The following SLC25A21 variants were observed in gnomAD, a reference collection of about 807,000 sequenced individuals.
SLC25A21 encodes mitochondrial 2-oxodicarboxylate carrier.
In SLC25A21, 47 loss-of-function variants were observed where a neutral mutation model predicts 43.8. That is an observed-to-expected ratio of 1.07 (90% CI 0.85 to 1.37). The LOEUF (loss-of-function observed/expected upper bound fraction) is 1.37, where lower values mean the gene tolerates loss of function less well. SLC25A21 is among the 40% of genes most tolerant of loss of function. The pLI is 0.00. For synonymous variants in SLC25A21, 131 were observed against 121.3 expected (o/e 1.08, Z -0.52); for missense variants, 352 against 350.2 (o/e 1.00, Z -0.04).
chr14:36,811,484 C>G (rs1888265236), intron 3 of SLC25A21, among the ~76,000 whole-genome samples: 1 of 152,036 alleles, frequency 6.6e-6, no homozygotes, highest in Non-Finnish European at 1.5e-5. Context: ...GGCCCCGTCT[C>G]TACTAAAAAT....
At chr14:36,710,162 GTTGCCTGAGGTCAGGAGT>G (rs887805024) in intron 7 of SLC25A21, among the ~76,000 whole-genome samples, 2 of 151,954 alleles carry the variant, frequency 1.3e-5, no homozygotes, top group Non-Finnish European at 2.9e-5. Flanking sequence ...AGGCGGGTGG[GTTGCCTGAGGTCAGGAGT>G]TTGAGACCAG....
At chr14:36,817,343 A>G (rs1391768397) in intron 2 of SLC25A21, among the ~76,000 whole-genome samples, 1 of 152,116 alleles carries the variant, frequency 6.6e-6, no homozygotes, top group African/African-American at 2.4e-5. Flanking sequence ...CAGGGAAGAG[A>G]AGGATCTGAG....
At chr14:36,724,373 G>C (rs192103919) in intron 6 of SLC25A21, among the ~76,000 whole-genome samples, 21 of 152,284 alleles carry the variant, frequency 1.4e-4, no homozygotes, top group East Asian at 1.2e-3. Flanking sequence ...AAGCTCTCAG[G>C]CAGCATCAGC....
At chr14:37,048,942 A>T (rs1280336340) in intron 1 of SLC25A21, among the ~76,000 whole-genome samples, 3 of 152,146 alleles carry the variant, frequency 2.0e-5, no homozygotes, top group African/African-American at 7.2e-5. Flanking sequence ...TAGACTAGTT[A>T]TACTCAACTC....
chr14:36,702,608 A>G lies in SLC25A21; in HGVS notation c.603+8710T>C, dbSNP rs146726562. Among the ~76,000 whole-genome samples, 6 of 152,132 alleles carry G rather than the reference A, an allele frequency of 3.9e-5. No individual in the cohort carries two copies. The East Asian group carries it at 7.7e-4, about 20-fold the overall frequency. ...TATAAATTCTCACAGCTTGATAGTTATCTTGCATGGCACTTAGCACAATTG... is the reference window on the plus strand; with the variant it reads ...TATAAATTCTCACAGCTTGATAGTTGTCTTGCATGGCACTTAGCACAATTG... On this transcript the variant is annotated intron_variant, in intron 7 of 9. Transcript: ENST00000331299.
At chr14:36,733,599 T>C (rs1413210232) in intron 4 of SLC25A21, among the ~76,000 whole-genome samples, 1 of 152,238 alleles carries the variant, frequency 6.6e-6, no homozygotes, top group Non-Finnish European at 1.5e-5. Flanking sequence ...AGTAAAAGTA[T>C]ATGAACTGTT....
intron 7 of SLC25A21, among the ~76,000 whole-genome samples, chr14:36,694,370 CAT>C (rs1427310175): frequency 8.5e-5 from 13 of 152,192 alleles, no homozygotes; most frequent in African/African-American, 3.1e-4. Context: ...CTGCAATAAA[CAT>C]ATGTGTGCAT....
chr14:36,686,716 C>G (rs1882565708), intron 7 of SLC25A21, among the ~76,000 whole-genome samples: 1 of 152,158 alleles, frequency 6.6e-6, no homozygotes, highest in South Asian at 2.1e-4. Flanking sequence ...GCCAAGCTCT[C>G]TTTCTTTTTC....
chr14:36,800,106 T>C (rs1887817487), intron 3 of SLC25A21, among the ~76,000 whole-genome samples: 1 of 152,214 alleles, frequency 6.6e-6, no homozygotes, highest in South Asian at 2.1e-4. Context: ...CTCAAGTCTC[T>C]GGTGAAATTT....
intron 1 of SLC25A21, among the ~76,000 whole-genome samples, chr14:36,899,928 C>T (rs1290900908): frequency 4.6e-5 from 7 of 152,102 alleles, no homozygotes; most frequent in African/African-American, 1.2e-4. Context: ...AGAAACAATG[C>T]TGTCTTATTC....
At chr14:37,118,674 C>T (rs986606084) in intron 1 of SLC25A21, among the ~76,000 whole-genome samples, 40 of 152,216 alleles carry the variant, frequency 2.6e-4, no homozygotes, top group African/African-American at 9.4e-4. Flanking sequence ...ATAAAACCAA[C>T]CTTAAATTTA....
chr14:37,091,526 T>A (rs34781881), intron 1 of SLC25A21, among the ~76,000 whole-genome samples: 1 of 151,208 alleles, frequency 6.6e-6, no homozygotes, highest in Non-Finnish European at 1.5e-5. Context: ...CCCCAACACA[T>A]AGCACTAAAT....
At chr14:36,874,621 CA>C (rs2138555385) in intron 2 of SLC25A21, among the ~76,000 whole-genome samples, 1 of 152,238 alleles carries the variant, frequency 6.6e-6, no homozygotes, top group South Asian at 2.1e-4. Context: ...TAGGCAATGC[CA>C]AATGAAAATG....
chr14:37,135,031 G>T (rs1361478565), intron 1 of SLC25A21, among the ~76,000 whole-genome samples: 1 of 151,614 alleles, frequency 6.6e-6, no homozygotes, highest in Non-Finnish European at 1.5e-5. Flanking sequence ...AGGTTCAAGC[G>T]ATTCTCCTGC....
chr14:36,946,316 C>A (rs1660564291), intron 1 of SLC25A21, among the ~76,000 whole-genome samples: 1 of 152,088 alleles, frequency 6.6e-6, no homozygotes, highest in African/African-American at 2.4e-5. Context: ...CCTCTTGTTT[C>A]TAAATAATGT....
chr14:37,145,377 T>A (rs1373984302), intron 1 of SLC25A21, among the ~76,000 whole-genome samples: 2 of 151,784 alleles, frequency 1.3e-5, no homozygotes, highest in Non-Finnish European at 2.9e-5. Flanking sequence ...TGGAACTCCA[T>A]GCCTGTGTGC....
intron 1 of SLC25A21, among the ~76,000 whole-genome samples, chr14:36,932,920 T>G (rs974345934): frequency 6.6e-6 from 1 of 152,062 alleles, no homozygotes. Context: ...TCATAGGATA[T>G]TATAACGATT....
chr14:37,116,677 T>C (rs1418551326), intron 1 of SLC25A21, among the ~76,000 whole-genome samples: 1 of 152,180 alleles, frequency 6.6e-6, no homozygotes, highest in Non-Finnish European at 1.5e-5. Context: ...TCACTTATAA[T>C]AGAAACCAAA....
chr14:36,682,144 CTTTTT>C (rs1327158215), intron 9 of SLC25A21, among the ~76,000 whole-genome samples: 1 of 151,074 alleles, frequency 6.6e-6, no homozygotes, highest in African/African-American at 2.4e-5. Context: ...CCTTTCTTTT[CTTTTT>C]TTTACTGTCT....
Sources: allele counts gnomAD v4.1 joint callset (sites outside exome capture counted in the v4.1 genomes callset), GRCh38; gene constraint gnomAD v4.1.1; transcripts MANE v1.5; gene names NCBI Gene and HGNC (gene_info 2026-07-23, HGNC 2026-07-21).